The following ATG7 variants were observed in gnomAD, a reference collection of about 807,000 sequenced individuals.
The protein encoded by ATG7 is autophagy related 7, also known as ubiquitin-like modifier-activating enzyme ATG7.
Under a neutral mutation model 82.4 loss-of-function variants are expected in ATG7, and 70 were observed. The ratio of observed to expected loss-of-function variants is 0.85; its 90% CI spans 0.70 to 1.04. The LOEUF (loss-of-function observed/expected upper bound fraction) is 1.04. ATG7 is among the 50% of genes least tolerant of loss of function. ATG7 has a pLI of 0.00. For missense variants in ATG7, 792 were observed against 864.3 expected (o/e 0.92, Z 1.05); for synonymous variants, 287 against 313.0 (o/e 0.92, Z 0.88).
the ATG7 span, among the ~76,000 whole-genome samples, chr3:11,574,783 A>ATATGTG: frequency 2.1e-4 from 23 of 111,852 alleles, no homozygotes; most frequent in African/African-American, 6.9e-4. Flanking sequence ...ATTCAACTAT[A>ATATGTG]TATGTGTGTG....
chr3:11,440,552 C>T (rs2083817807), intron 20 of ATG7, among the ~76,000 whole-genome samples: 1 of 150,614 alleles, frequency 6.6e-6, no homozygotes, highest in African/African-American at 2.4e-5. Context: ...TCTCGATCTC[C>T]TGACCTCGTG....
chr3:11,307,641 C>A (rs971642530), intron 6 of ATG7, among the ~76,000 whole-genome samples: 9 of 152,200 alleles, frequency 5.9e-5, no homozygotes, highest in Non-Finnish European at 1.5e-5. Flanking sequence ...TCTGTTCTGT[C>A]CTCTCTCCTT....
chr3:11,564,898 T>C, the ATG7 span: 2 of 1,607,012 alleles, frequency 1.2e-6, no homozygotes, highest in Non-Finnish European at 1.7e-6. Flanking sequence ...AGGCCAAGGC[T>C]GGGGAGGGAG....
the ATG7 span, among the ~76,000 whole-genome samples, chr3:11,573,331 GAAAGAAAGAAAGAAAGAAAGAAAGAAAGA>G: frequency 6.0e-5 from 3 of 50,032 alleles, no homozygotes; most frequent in Non-Finnish European, 1.3e-4. Flanking sequence ...AAGAAAGAAA[GAAAGAAAGAAAGAAAGAAAGAAAGAAAGA>G]AAGAAAGAAA....
chr3:11,299,700 A>C (rs17034256), intron 5 of ATG7, among the ~76,000 whole-genome samples: 3,295 of 152,214 alleles, frequency 0.022, 61 homozygotes, highest in Non-Finnish European at 0.035. Flanking sequence ...TTTTGATTGT[A>C]GTTAATATTT....
At chr3:11,324,600 A>G (rs190908189) in intron 9 of ATG7, among the ~76,000 whole-genome samples, 1 of 152,292 alleles carries the variant, frequency 6.6e-6, no homozygotes, top group Admixed American at 6.5e-5. Flanking sequence ...ATGTTAGGTC[A>G]GGTTGCTCTA....
intron 18 of ATG7, among the ~76,000 whole-genome samples, chr3:11,372,819 CGCGTGTGCGTGTGTGTGCGT>C (rs1472912715): frequency 5.0e-5 from 4 of 80,404 alleles, no homozygotes; most frequent in Non-Finnish European, 1.2e-4. Flanking sequence ...TGTGTGTGCG[CGCGTGTGCGTGTGTGTGCGT>C]GCGTGCGTGT....
At chr3:11,373,886 G>T (rs1033736563) in intron 18 of ATG7, among the ~76,000 whole-genome samples, 1 of 152,196 alleles carries the variant, frequency 6.6e-6, no homozygotes, top group Admixed American at 6.5e-5. Context: ...AGTTTTTCTT[G>T]TGGTTTGTGT....
rs1341083044 is a variant in ATG7 at position 11,556,230 on chromosome 3, CAGCGCGGCTCTGGGAAGAACTTCACGG to C, written c.*1391_*1417del. On this transcript the variant is annotated 3_prime_UTR_variant, in exon 21 of 21. Transcript: ENST00000693202. ...AGAGAAGGTCAGAGCGCACTGCAGGCAGCGCGGCTCTGGGAAGAACTTCACGGAGCCCCTTCTTAGAGCAGGGAGGGG... is the reference window on the plus strand; with the variant it reads ...AGAGAAGGTCAGAGCGCACTGCAGGCAGCCCCTTCTTAGAGCAGGGAGGGG... 5 of 152,606 alleles carry C rather than the reference CAGCGCGGCTCTGGGAAGAACTTCACGG, an allele frequency of 3.3e-5. No individual in the cohort carries two copies. Among genetic ancestry groups the C allele is most frequent in the Non-Finnish European group, 7.4e-5 (5 of 68,002 alleles). The allele number at this position is 152,606 out of a possible 1,614,324, so 9.5% of individuals were successfully genotyped here.
the ATG7 span, chr3:11,564,813 G>T: frequency 6.4e-7 from 1 of 1,570,926 alleles, no homozygotes. Flanking sequence ...CCGCTCCCCC[G>T]GGGTCAGTGT....
chr3:11,496,931 C>G (rs534617992), intron 20 of ATG7, among the ~76,000 whole-genome samples: 1 of 151,324 alleles, frequency 6.6e-6, no homozygotes. Context: ...GTGATCTCGG[C>G]TCACTGCAAC....
chr3:11,526,769 G>T (rs2092587807), intron 20 of ATG7, among the ~76,000 whole-genome samples: 1 of 151,976 alleles, frequency 6.6e-6, no homozygotes, highest in Non-Finnish European at 1.5e-5. Flanking sequence ...AAATAATGTT[G>T]AAATGAACTG....
chr3:11,358,738 A>C lies in ATG7; in HGVS notation c.1479+126A>C, dbSNP rs2076094951. 7.0e-6 allele frequency: 7 copies of C among 998,052 alleles called. No individual in the cohort carries two copies. In the South Asian group the frequency reaches 1.2e-4, roughly 17 times the overall value. 61.8% of individuals were successfully genotyped at this position (998,052 alleles called of 1,614,324 possible). A position where few individuals can be genotyped will look rare whatever the true frequency, so the allele number is the denominator to read the frequency against. On this transcript the variant is annotated intron_variant, in intron 15 of 20. Transcript: ENST00000693202. ...GTGTGACCTGGTAGCATAGTGCCAA[A>C]GGGCTTCTGCTTCAGACTCTGTCTT...
At chr3:11,500,439 C>G (rs2091238948) in intron 20 of ATG7, among the ~76,000 whole-genome samples, 1 of 140,886 alleles carries the variant, frequency 7.1e-6, no homozygotes, top group Non-Finnish European at 1.6e-5. Flanking sequence ...TATCTGATCA[C>G]TATGCAATAC....
In ATG7 at chr3:11,442,739, C is replaced by CCAAAAAAAAAAAAAAAAAAAAAAAA. The variant is rs1553668928; in HGVS notation, c.2079+15813_2079+15814insCAAAAAAAAAAAAAAAAAAAAAAAA. ...GCAGCATAGTGAGACTCCATCTCTA[C>CCAAAAAAAAAAAAAAAAAAAAAAAA]AAAAAAAAAAAAAAAAAAAAAAAAA... On this transcript the variant is annotated intron_variant, in intron 20 of 20. Transcript: ENST00000693202. 2.9e-5 allele frequency among the ~76,000 whole-genome samples: 2 copies of CCAAAAAAAAAAAAAAAAAAAAAAAA among 69,236 alleles called. 1 individual carries two copies. The highest frequency in any genetic ancestry group is 5.0e-5 in the Non-Finnish European group (2 of 39,782). 45.4% of individuals were successfully genotyped at this position (69,236 alleles called of 152,430 possible).
chr3:11,277,891 ACC>A (rs71626995), intron 1 of ATG7, among the ~76,000 whole-genome samples: 826 of 60,756 alleles, frequency 0.014, 77 homozygotes, highest in African/African-American at 0.043. Context: ...CCCTTTATAG[ACC>A]CCCCCCCCCC....
chr3:11,292,407 G>A (rs1575203398), intron 3 of ATG7, among the ~76,000 whole-genome samples: 2 of 151,946 alleles, frequency 1.3e-5, no homozygotes, highest in Non-Finnish European at 2.9e-5. Context: ...TTACAGGCGT[G>A]CACCACCACA....
chr3:11,350,853 G>A (rs1441205657), intron 14 of ATG7, among the ~76,000 whole-genome samples: 6 of 146,586 alleles, frequency 4.1e-5, no homozygotes, highest in Admixed American at 2.1e-4. Context: ...TTGGGAGGCT[G>A]AAGTGGGAGG....
chr3:11,509,555 A>T (rs1282146418), intron 20 of ATG7, among the ~76,000 whole-genome samples: 1 of 152,136 alleles, frequency 6.6e-6, no homozygotes, highest in African/African-American at 2.4e-5. Context: ...ATGGCCTTTT[A>T]AGTAAGTGAC....
Sources: gnomAD v4.1 joint callset for allele counts (sites outside exome capture counted in the v4.1 genomes callset) on GRCh38, gnomAD v4.1.1 for gene constraint, MANE v1.5 for transcripts, NCBI Gene and HGNC (gene_info 2026-07-23, HGNC 2026-07-21) for gene names.